Variants in ARHGEF6 observed in about 807,000 individuals in gnomAD.
ARHGEF6 encodes Rac/Cdc42 guanine nucleotide exchange factor 6.
A neutral mutation model predicts 70.3 loss-of-function variants in ARHGEF6; 9 were observed. That is an observed-to-expected ratio of 0.13 (90% CI 0.08 to 0.22). The LOEUF (loss-of-function observed/expected upper bound fraction) is 0.22, where lower values mean the gene tolerates loss of function less well. ARHGEF6 is among the 10% of genes least tolerant of loss of function. The probability of loss-of-function intolerance (pLI) is 1.00; values close to 1 mark genes in which losing one functional copy is unlikely to be tolerated. For missense variants in ARHGEF6, 470 were observed against 563.0 expected, an observed-to-expected ratio of 0.83 and a Z score of 1.67; for synonymous variants, 201 against 207.8, an observed-to-expected ratio of 0.97 and a Z score of 0.28.
chrX:136,682,007 T>A, intron 13 of ARHGEF6, 39 bp from the exon 14 acceptor site: 2 of 1,063,300 alleles, frequency 1.9e-6, no homozygotes, highest in African/African-American at 3.6e-5. Context: ...TCTGCAGTTA[T>A]ACAGGTCTCT....
intron 9 of ARHGEF6, among the ~76,000 whole-genome samples, chrX:136,698,129 A>G (rs1301741914): frequency 1.8e-5 from 2 of 112,092 alleles, no homozygotes; most frequent in Admixed American, 9.5e-5. Flanking sequence ...GAAATTTAAA[A>G]TTTCATTAGA....
chrX:136,753,274 T>C (rs1833041882), intron 2 of ARHGEF6, among the ~76,000 whole-genome samples: 1 of 112,293 alleles, frequency 8.9e-6, no homozygotes. Context: ...TTTGTGCCTG[T>C]AGCTGAAACA....
intron 14 of ARHGEF6, 68 bp from the exon 15 acceptor site, chrX:136,680,944 T>G (rs2076327775): frequency 8.8e-7 from 1 of 1,133,185 alleles, no homozygotes; most frequent in African/African-American, 1.8e-5. Flanking sequence ...GTCCCATTCA[T>G]AAATAGACTT....
intron 9 of ARHGEF6, among the ~76,000 whole-genome samples, chrX:136,700,773 G>A (rs1180469583): frequency 8.9e-6 from 1 of 112,122 alleles, no homozygotes; most frequent in Non-Finnish European, 1.9e-5. Context: ...ACAGTCTGAG[G>A]AGACAAAGCA....
chrX:136,718,123 CAATTT>C (rs1388606321), intron 6 of ARHGEF6, among the ~76,000 whole-genome samples: 1 of 110,516 alleles, frequency 9.0e-6, no homozygotes, highest in African/African-American at 3.3e-5. Flanking sequence ...ATAAGAAATT[CAATTT>C]AAATATAAAG....
intron 6 of ARHGEF6, among the ~76,000 whole-genome samples, chrX:136,715,759 C>T (rs1432926745): frequency 9.0e-6 from 1 of 111,367 alleles, no homozygotes; most frequent in Non-Finnish European, 1.9e-5. Context: ...GTTTAAGCTC[C>T]AGTTTCTCTC....
In ARHGEF6 at chrX:136,672,124, A is replaced by C; in HGVS notation, c.2036-5T>G. Reference sequence around the variant, plus strand: ...GAATGGAATCTTTTCGAGTACCTACAAACAAGGGTTGCAAGATGGGGGAGG... The same window carrying C: ...GAATGGAATCTTTTCGAGTACCTACCAACAAGGGTTGCAAGATGGGGGAGG... On this transcript the variant is annotated splice_region_variant and splice_polypyrimidine_tract_variant and intron_variant, in intron 19 of 21. Coordinates refer to ENST00000250617, the MANE Select transcript of ARHGEF6 (RefSeq NM_004840.3). 3 of 1,180,554 alleles carry C rather than the reference A, an allele frequency of 2.5e-6. No homozygotes were observed. Among genetic ancestry groups the C allele is most frequent in the Non-Finnish European group, 3.5e-6 (3 of 866,971 alleles).
chrX:136,686,100 G>A (rs2076383116), intron 11 of ARHGEF6, among the ~76,000 whole-genome samples: 1 of 112,122 alleles, frequency 8.9e-6, no homozygotes, highest in South Asian at 3.7e-4. Flanking sequence ...CTCCCTCCCT[G>A]TAAAGAATAT....
In ARHGEF6 at chrX:136,670,189, G is replaced by C. The variant is rs2076209407; in HGVS notation, c.2136-653C>G. ...TCCCATACACTTTAAATCATATCTA[G>C]ATTACTTATCATACCTAATACAATG... On this transcript the variant is annotated intron_variant, in intron 20 of 21. Coordinates refer to ENST00000250617, the MANE Select transcript of ARHGEF6 (RefSeq NM_004840.3). Among the ~76,000 whole-genome samples, 5 of 111,742 alleles carry C rather than the reference G, an allele frequency of 4.5e-5. No homozygotes were observed. The South Asian group carries it at 1.9e-3, about 42-fold the overall frequency.
chrX:136,738,211 C>G (rs2077007012), intron 5 of ARHGEF6, among the ~76,000 whole-genome samples: 1 of 111,092 alleles, frequency 9.0e-6, no homozygotes, highest in Admixed American at 9.6e-5. Flanking sequence ...TGACTCACCA[C>G]CAGCTCTTAT....
chrX:136,678,739 T>C (rs2076303608), intron 16 of ARHGEF6, among the ~76,000 whole-genome samples: 1 of 111,607 alleles, frequency 9.0e-6, no homozygotes. Context: ...GCCCCATAAT[T>C]CTAAGACTCA....
intron 2 of ARHGEF6, among the ~76,000 whole-genome samples, chrX:136,758,504 C>A (rs1425606510): frequency 9.0e-6 from 1 of 110,730 alleles, no homozygotes; most frequent in Non-Finnish European, 1.9e-5. Context: ...CTTGAAAGCC[C>A]AGTGAAAGCA....
rs185202111 is a variant in ARHGEF6 at position 136,709,156 on chromosome X, C to T, written c.828-386G>A. Among the ~76,000 whole-genome samples the T allele has an allele frequency of 3.6e-5, 4 of 112,165 alleles. No homozygotes were observed. In the East Asian group the frequency reaches 8.4e-4, roughly 23 times the overall value. ...GTAATTGAAAGATATTATATATGCT[C>T]ATATAATACACAAGAAAAAATAGCA... On this transcript the variant is annotated intron_variant, in intron 7 of 21. Transcript: ENST00000250617.
intron 2 of ARHGEF6, among the ~76,000 whole-genome samples, chrX:136,758,931 AG>A (rs2077238311): frequency 8.9e-6 from 1 of 112,006 alleles, no homozygotes; most frequent in Non-Finnish European, 1.9e-5. Flanking sequence ...AGAAATAAAA[AG>A]AACCCTATAT....
intron 6 of ARHGEF6, among the ~76,000 whole-genome samples, chrX:136,730,261 A>C (rs868654147): frequency 4.8e-4 from 53 of 111,538 alleles, no homozygotes; most frequent in African/African-American, 1.7e-3. Context: ...ATGTGAGTGA[A>C]ATTGATTTTA....
chrX:136,757,222 T>C (rs2077215715), intron 2 of ARHGEF6, among the ~76,000 whole-genome samples: 2 of 111,740 alleles, frequency 1.8e-5, no homozygotes, highest in Middle Eastern at 9.3e-3. Flanking sequence ...TAACCAGATG[T>C]GGTGGCACAC....
intron 2 of ARHGEF6, among the ~76,000 whole-genome samples, chrX:136,775,520 C>A (rs1164566342): frequency 9.0e-6 from 1 of 111,692 alleles, no homozygotes; most frequent in Non-Finnish European, 1.9e-5. Context: ...AAACCCTCCA[C>A]AAAATCAGCA....
At chrX:136,705,438 AAT>A (rs1218732906) in intron 9 of ARHGEF6, among the ~76,000 whole-genome samples, 3 of 111,975 alleles carry the variant, frequency 2.7e-5, no homozygotes, top group African/African-American at 9.7e-5. Flanking sequence ...CTGTGGATAA[AAT>A]ATATGTCTTA....
chrX:136,667,849 C>T lies in ARHGEF6; in HGVS notation c.*180G>A, dbSNP rs945442346. The T allele has an allele frequency of 1.4e-5, 8 of 561,648 alleles. No individual in the cohort carries two copies. Among genetic ancestry groups the T allele is most frequent in the South Asian group, 1.2e-4 (4 of 32,346 alleles). The allele number at this position is 561,648 out of a possible 1,213,427, so 46.3% of individuals were successfully genotyped here. On this transcript the variant is annotated 3_prime_UTR_variant, in exon 22 of 22. Coordinates refer to ENST00000250617, the MANE Select transcript of ARHGEF6 (RefSeq NM_004840.3). ...CCAAACAACAGCAAATGCCCAAGCG[C>T]GCACGTGCACGCACACACATATGCA...
Sources: gnomAD v4.1 joint callset for allele counts (sites outside exome capture counted in the v4.1 genomes callset) on GRCh38, gnomAD v4.1.1 for gene constraint, MANE v1.5 for transcripts, NCBI Gene and HGNC (gene_info 2026-07-23, HGNC 2026-07-21) for gene names.